Variants in PRRG2 observed in about 807,000 individuals in gnomAD.
The protein encoded by PRRG2 is transmembrane gamma-carboxyglutamic acid protein 2.
PRRG2 carries 23 observed loss-of-function variants against 27.1 expected under a neutral mutation model. That is an observed-to-expected ratio of 0.85 (90% CI 0.61 to 1.20). PRRG2 has a LOEUF of 1.20. Among genes scored for constraint, PRRG2 ranks in the 50% most tolerant of loss-of-function variants. The pLI is 0.00. For synonymous variants in PRRG2, 104 were observed against 103.4 expected (o/e 1.01, Z -0.03); for missense variants, 276 against 254.8 (o/e 1.08, Z -0.57).
chr19:49,588,684 G>A (rs1300636759), intron 5 of PRRG2, 52 bp downstream of exon 5: 63 of 1,496,386 alleles, frequency 4.2e-5, no homozygotes, highest in Non-Finnish European at 5.2e-5. Flanking sequence ...GGGGAGGGAG[G>A]AAGCATTGAC....
chr19:49,582,977 G>A (rs2080639177), intron 1 of PRRG2, among the ~76,000 whole-genome samples: 1 of 151,946 alleles, frequency 6.6e-6, no homozygotes, highest in Non-Finnish European at 1.5e-5. Flanking sequence ...GTTGCAGTGA[G>A]CTGAGACTGT....
intron 4 of PRRG2, among the ~76,000 whole-genome samples, chr19:49,585,097 C>A (rs1490656837): frequency 2.0e-5 from 3 of 152,182 alleles, no homozygotes; most frequent in Non-Finnish European, 4.4e-5. Flanking sequence ...GGGGCCTGGC[C>A]AGGCCAGACC....
At chr19:49,583,451 C>A in intron 2 of PRRG2, 91 bp from the exon 3 acceptor site, 1 of 1,533,834 alleles carries the variant, frequency 6.5e-7, no homozygotes, top group South Asian at 1.2e-5. Flanking sequence ...AGCCCCTGCT[C>A]CTTCCTCCAG....
chr19:49,587,360 T>C (rs1039990566), intron 4 of PRRG2, among the ~76,000 whole-genome samples: 2 of 146,234 alleles, frequency 1.4e-5, no homozygotes, highest in Admixed American at 7.0e-5. Flanking sequence ...CGACAGAGTC[T>C]CTCTCTGTCA....
chr19:49,583,961 G>A lies in PRRG2; in HGVS notation c.301+9G>A. 1 of 1,612,504 alleles carries A rather than the reference G, an allele frequency of 6.2e-7. No homozygotes were observed. The highest frequency in any genetic ancestry group is 8.5e-7 in the Non-Finnish European group (1 of 1,179,076). On this transcript the variant is annotated intron_variant, in intron 4 of 6. Transcript: ENST00000246794. ...CTACAATGGCAAAGGAGGTGAGTGA[G>A]GGGCTGAAGCCATCTTGTTCTGTGC...
At chr19:49,583,117 C>T in intron 1 of PRRG2, 90 bp from the exon 2 acceptor site, 1 of 986,106 alleles carries the variant, frequency 1.0e-6, no homozygotes, top group Admixed American at 2.3e-5. Flanking sequence ...CTATTATTGC[C>T]ATTCGTGGAC....
At chr19:49,583,406 C>G in intron 2 of PRRG2, 102 bp downstream of exon 2, 2 of 1,514,856 alleles carry the variant, frequency 1.3e-6, no homozygotes, top group Non-Finnish European at 1.8e-6. Flanking sequence ...AGGACCCAGC[C>G]CCTTCCTCCT....
chr19:49,590,065 GC>G lies in PRRG2; in HGVS notation c.590+14del. On this transcript the variant is annotated intron_variant, in intron 6 of 6. Transcript: ENST00000246794. ...CCCCCTACACCAGGTATGGGGCGTG[GC>G]TTCTGCCCGGGGGCGGGGCGCAGAG... 3.4e-6 allele frequency: 5 copies of G among 1,487,742 alleles called. No homozygotes were observed. The highest frequency in any genetic ancestry group is 3.6e-6 in the Non-Finnish European group (4 of 1,125,194). 92.2% of individuals were successfully genotyped at this position (1,487,742 alleles called of 1,614,324 possible). A position where few individuals can be genotyped will look rare whatever the true frequency, so the allele number is the denominator to read the frequency against.
chr19:49,588,872 T>G (rs891240533), intron 5 of PRRG2, among the ~76,000 whole-genome samples: 2 of 152,188 alleles, frequency 1.3e-5, no homozygotes, highest in Non-Finnish European at 2.9e-5. Flanking sequence ...GCTGCCAGCC[T>G]GTCTTTGCGG....
chr19:49,585,263 C>T (rs1015980232), intron 4 of PRRG2, among the ~76,000 whole-genome samples: 1 of 152,212 alleles, frequency 6.6e-6, no homozygotes, highest in Non-Finnish European at 1.5e-5. Context: ...GACCACCCTC[C>T]GGGCCTCCGA....
At chr19:49,585,129 T>C (rs1489676444) in intron 4 of PRRG2, among the ~76,000 whole-genome samples, 1 of 152,142 alleles carries the variant, frequency 6.6e-6, no homozygotes, top group Non-Finnish European at 1.5e-5. Flanking sequence ...CCTGAAGCAG[T>C]ACCTGGCTGA....
In PRRG2 at chr19:49,583,924, G is replaced by C; in HGVS notation, c.273G>C (p.Trp91Cys). 2 of 1,613,892 alleles carry C rather than the reference G, an allele frequency of 1.2e-6. No homozygotes were observed. The highest frequency in any genetic ancestry group is 8.5e-7 in the Non-Finnish European group (1 of 1,179,898). Residue 91 changes from tryptophan (W) to cysteine (C), a missense_variant, in exon 4 of 7, where the codon TGG (tryptophan) becomes TGC (cysteine). By Grantham distance (215) the Trp-to-Cys change is radical. Transcript: ENST00000246794. ...FEDNTLTERF[W>C]ESYIYNGKGG... ...CCTTCCCCCTCAAGGAGCGCTTTTG[G>C]GAGAGCTACATCTACAATGGCAAAG...
In PRRG2 at chr19:49,588,636, AG is replaced by A; in HGVS notation, c.437+9del. ...GCCAGCAGCCCTGTCCCCAAGAGTA[AG>A]GGGGCTTCAGCGAGGAGGGGGTGGT... On this transcript the variant is annotated splice_donor_5th_base_variant and intron_variant, in intron 5 of 6. Transcript: ENST00000246794. 1 of 1,524,814 alleles carries A rather than the reference AG, an allele frequency of 6.6e-7. No individual in the cohort carries two copies. The allele number at this position is 1,524,814 out of a possible 1,614,324, so 94.5% of individuals were successfully genotyped here. A position where few individuals can be genotyped will look rare whatever the true frequency, so the allele number is the denominator to read the frequency against.
In PRRG2 at chr19:49,586,400, T is replaced by TTC. The variant is rs2080670102; in HGVS notation, c.302-2096_302-2095insCT. ...CCAAGCCCGGCCATTTTTTTTTTTT[T>TTC]TTTTTTAGAGACAGGGTCCAGTCAC... On this transcript the variant is annotated intron_variant, in intron 4 of 6. Coordinates refer to ENST00000246794, the MANE Select transcript of PRRG2 (RefSeq NM_000951.3). Among the ~76,000 whole-genome samples the TTC allele has an allele frequency of 2.6e-5, 4 of 151,630 alleles. No individual in the cohort carries two copies. The South Asian group carries it at 8.3e-4, about 32-fold the overall frequency.
chr19:49,589,608 T>C (rs928127386), intron 5 of PRRG2, among the ~76,000 whole-genome samples: 1 of 151,760 alleles, frequency 6.6e-6, no homozygotes, highest in African/African-American at 2.4e-5. Flanking sequence ...GGGCTGTCTT[T>C]TTCTCTATTG....
At chr19:49,588,183 T>C (rs1017009684) in intron 4 of PRRG2, among the ~76,000 whole-genome samples, 2 of 152,060 alleles carry the variant, frequency 1.3e-5, no homozygotes, top group South Asian at 2.1e-4. Context: ...AGGCTGGTCT[T>C]GAGCTCCTGA....
intron 4 of PRRG2, among the ~76,000 whole-genome samples, chr19:49,584,437 T>A (rs1466413636): frequency 6.6e-6 from 1 of 152,042 alleles, no homozygotes; most frequent in Non-Finnish European, 1.5e-5. Flanking sequence ...CCCAAAGTGC[T>A]GGGATTACAG....
chr19:49,584,639 G>GTT (rs2080655829), intron 4 of PRRG2, among the ~76,000 whole-genome samples: 1 of 152,098 alleles, frequency 6.6e-6, no homozygotes, highest in African/African-American at 2.4e-5. Flanking sequence ...AATTTTTGTA[G>GTT]TTTTTGTACA....
At chr19:49,581,013 C>G (rs1185345173), upstream of PRRG2, among the ~76,000 whole-genome samples, 1 of 152,192 alleles carries the variant, frequency 6.6e-6, no homozygotes, top group Non-Finnish European at 1.5e-5. Flanking sequence ...TCTCAGGAAA[C>G]AGGGATTTAC....
Sources: allele counts gnomAD v4.1 joint callset (sites outside exome capture counted in the v4.1 genomes callset), GRCh38; gene constraint gnomAD v4.1.1; transcripts MANE v1.5; gene names NCBI Gene and HGNC (gene_info 2026-07-23, HGNC 2026-07-21).